Variants in PLD5 observed in about 807,000 individuals in gnomAD.
The protein encoded by PLD5 is inactive phospholipase D5.
Under a neutral mutation model 61.1 loss-of-function variants are expected in PLD5, and 36 were observed. The observed-to-expected ratio is 0.59, with a 90% CI of 0.45 to 0.78. The LOEUF (loss-of-function observed/expected upper bound fraction) is 0.78, where lower values mean the gene tolerates loss of function less well. Ranked by LOEUF, PLD5 falls within the 30% of genes least tolerant of loss-of-function variation. The pLI, the probability that PLD5 is intolerant of heterozygous loss-of-function variation, is 0.00. For synonymous variants in PLD5, 243 were observed against 242.8 expected, an observed-to-expected ratio of 1.00 and a Z score of -0.01; for missense variants, 515 against 644.4, an observed-to-expected ratio of 0.80 and a Z score of 2.17.
At position 242,421,073 on chromosome 1, in the gene PLD5, G is replaced by A. The variant is rs148130055; in HGVS notation, c.190-72831C>T. On this transcript the variant is annotated intron_variant, in intron 1 of 9. Coordinates refer to ENST00000536534, the MANE Select transcript of PLD5 (RefSeq NM_001372062.1). Reference sequence around the variant, plus strand: ...CACGCGCCTGTAGTCCCAGCTACTCGGGAGGCTGAAGCAGGAGAATCACTT... The same window carrying A: ...CACGCGCCTGTAGTCCCAGCTACTCAGGAGGCTGAAGCAGGAGAATCACTT... 2.7e-3 allele frequency among the ~76,000 whole-genome samples: 408 copies of A among 151,118 alleles called. 6 individuals are homozygous for A. Among genetic ancestry groups the A allele is most frequent in the African/African-American group, 9.0e-3 (370 of 41,064 alleles).
chr1:242,449,864 G>A (rs1457024964), intron 1 of PLD5, among the ~76,000 whole-genome samples: 2 of 152,214 alleles, frequency 1.3e-5, no homozygotes, highest in Non-Finnish European at 2.9e-5. Flanking sequence ...GAGGGGCAAT[G>A]CTGACGAGCA....
upstream of PLD5, among the ~76,000 whole-genome samples, chr1:242,524,959 C>G (rs1018530151): frequency 2.6e-5 from 4 of 152,054 alleles, no homozygotes; most frequent in African/African-American, 9.7e-5. Flanking sequence ...CGCGCCTCCT[C>G]GGTCCTGCTG....
chr1:242,428,576 A>G (rs1159550518), intron 1 of PLD5, among the ~76,000 whole-genome samples: 3 of 152,228 alleles, frequency 2.0e-5, no homozygotes, highest in East Asian at 3.9e-4. Flanking sequence ...CATGACCTCA[A>G]TTAGCTCAGC....
chr1:242,443,540 A>G (rs527593008), intron 1 of PLD5, among the ~76,000 whole-genome samples: 2 of 152,258 alleles, frequency 1.3e-5, no homozygotes, highest in African/African-American at 4.8e-5. Flanking sequence ...TACTCCTTGG[A>G]TGGCTAAATC....
At chr1:242,380,329 G>A (rs1662204674) in intron 1 of PLD5, among the ~76,000 whole-genome samples, 1 of 152,174 alleles carries the variant, frequency 6.6e-6, no homozygotes, top group African/African-American at 2.4e-5. Context: ...ACACCGCATA[G>A]CTATTGTGTT....
In PLD5 at chr1:242,348,041, T is replaced by C. The variant is rs371987548; in HGVS notation, c.326+65A>G. ...TGTTTATGTATTCTCTTCTCCATTG[T>C]TCAAGGCCCTCTTTGGATTTCTTGC... On this transcript the variant is annotated intron_variant, in intron 2 of 9. Transcript: ENST00000536534. 3.8e-6 allele frequency: 6 copies of C among 1,576,194 alleles called. No homozygotes were observed. In the East Asian group the frequency reaches 1.3e-4, roughly 35 times the overall value.
At chr1:242,302,663 G>A (rs1332227144) in intron 2 of PLD5, among the ~76,000 whole-genome samples, 1 of 152,180 alleles carries the variant, frequency 6.6e-6, no homozygotes, top group Non-Finnish European at 1.5e-5. Context: ...AGGTTACAGT[G>A]AACTATGATC....
At chr1:242,316,808 C>G (rs1658027896) in intron 2 of PLD5, among the ~76,000 whole-genome samples, 1 of 151,098 alleles carries the variant, frequency 6.6e-6, no homozygotes, top group African/African-American at 2.4e-5. Context: ...TTGCTCCCCT[C>G]TTCGTGTCCC....
chr1:242,342,948 A>G (rs1475667396), intron 2 of PLD5, among the ~76,000 whole-genome samples: 16 of 152,214 alleles, frequency 1.1e-4, no homozygotes, highest in African/African-American at 3.9e-4. Flanking sequence ...GAAATAAAAC[A>G]AGACAAAAAA....
intron 5 of PLD5, among the ~76,000 whole-genome samples, chr1:242,200,419 C>T (rs1256670864): frequency 6.6e-6 from 1 of 152,158 alleles, no homozygotes; most frequent in East Asian, 1.9e-4. Context: ...GGAGTCTGCT[C>T]CGATGAGTAA....
intron 5 of PLD5, among the ~76,000 whole-genome samples, chr1:242,204,160 G>A (rs570878585): frequency 3.2e-4 from 48 of 151,868 alleles, no homozygotes; most frequent in Admixed American, 7.9e-4. Context: ...GGTGAATGGC[G>A]TGAACCCAGG....
At chr1:242,168,856 T>TTTTTTTTA (rs1327945238) in intron 5 of PLD5, among the ~76,000 whole-genome samples, 1 of 139,580 alleles carries the variant, frequency 7.2e-6, no homozygotes, top group African/African-American at 2.6e-5. Flanking sequence ...GTTTTTTTTT[T>TTTTTTTTA]TTTTTTTTTT....
At position 242,506,916 on chromosome 1, in the gene PLD5, A is replaced by G. The variant is rs550250224; in HGVS notation, c.189+17172T>C. 2.0e-5 allele frequency among the ~76,000 whole-genome samples: 3 copies of G among 152,314 alleles called. No homozygotes were observed. The East Asian group carries it at 5.8e-4, about 29-fold the overall frequency. On this transcript the variant is annotated intron_variant, in intron 1 of 9. Transcript: ENST00000536534. The stretch of plus-strand genomic sequence containing the variant: ...AGCATCTGCAAGTGACTATGAGAGC[A>G]ATAGGACAGCAACGCGGTACTAACG...
chr1:242,409,959 T>C (rs1449959188), intron 1 of PLD5, among the ~76,000 whole-genome samples: 1 of 152,160 alleles, frequency 6.6e-6, no homozygotes, highest in Non-Finnish European at 1.5e-5. Context: ...GAGCTGGGGC[T>C]TTCCTGCTAG....
chr1:242,297,311 T>C, intron 2 of PLD5, among the ~76,000 whole-genome samples: 2 of 120,298 alleles, frequency 1.7e-5, no homozygotes, highest in East Asian at 2.8e-4. Context: ...GACACTGCAC[T>C]CCAGCCCGGG....
At chr1:242,327,156 C>T (rs1305233345) in intron 2 of PLD5, among the ~76,000 whole-genome samples, 2 of 151,000 alleles carry the variant, frequency 1.3e-5, no homozygotes, top group African/African-American at 4.9e-5. Flanking sequence ...TGAGCCACCA[C>T]GCCTGGCGCT....
intron 6 of PLD5, 129 bp downstream of exon 6, chr1:242,124,339 T>C: frequency 1.2e-6 from 1 of 816,688 alleles, no homozygotes; most frequent in East Asian, 2.6e-5. Flanking sequence ...ATTTTAACTC[T>C]TCACGTCATG....
chr1:242,252,156 T>A (rs1672738358), intron 4 of PLD5, among the ~76,000 whole-genome samples: 1 of 152,086 alleles, frequency 6.6e-6, no homozygotes, highest in Non-Finnish European at 1.5e-5. Context: ...GCTAAAAAAA[T>A]AGATAAAATA....
intron 1 of PLD5, among the ~76,000 whole-genome samples, chr1:242,485,654 G>T (rs767419310): frequency 6.6e-6 from 1 of 152,174 alleles, no homozygotes; most frequent in Non-Finnish European, 1.5e-5. Context: ...GTAATTTATA[G>T]ATTCAATGCC....
Sources: allele counts gnomAD v4.1 joint callset (sites outside exome capture counted in the v4.1 genomes callset), GRCh38; gene constraint gnomAD v4.1.1; transcripts MANE v1.5; gene names NCBI Gene and HGNC (gene_info 2026-07-23, HGNC 2026-07-21).